Variants in PTPRC observed in about 807,000 individuals in gnomAD.
PTPRC encodes the protein protein tyrosine phosphatase receptor type C, also known as receptor-type tyrosine-protein phosphatase C.
A neutral mutation model predicts 155.9 loss-of-function variants in PTPRC; 44 were observed. The observed-to-expected ratio is 0.28, with a 90% CI of 0.22 to 0.36. The LOEUF (loss-of-function observed/expected upper bound fraction) is 0.36. Ranked by LOEUF, PTPRC falls within the 10% of genes least tolerant of loss-of-function variation. The pLI, the probability that PTPRC is intolerant of heterozygous loss-of-function variation, is 1.00. For missense variants in PTPRC, 1,401 were observed against 1,564.6 expected, an observed-to-expected ratio of 0.90 and a Z score of 1.76; for synonymous variants, 525 against 533.1, an observed-to-expected ratio of 0.98 and a Z score of 0.21.
At chr1:198,721,487 TGA>T (rs1653884890) in intron 14 of PTPRC, among the ~76,000 whole-genome samples, 3 of 152,164 alleles carry the variant, frequency 2.0e-5, no homozygotes, top group Non-Finnish European at 4.4e-5. Context: ...ATGTAATCAA[TGA>T]TTCTTAAAGT....
chr1:198,680,895 A>G (rs1196760385), intron 2 of PTPRC, among the ~76,000 whole-genome samples: 2 of 152,204 alleles, frequency 1.3e-5, no homozygotes, highest in Non-Finnish European at 2.9e-5. Flanking sequence ...TTTGGATTCT[A>G]GTAGACCTGG....
chr1:198,728,246 A>G (rs1282091216), intron 15 of PTPRC, 94 bp from the exon 16 acceptor site: 2 of 910,064 alleles, frequency 2.2e-6, no homozygotes, highest in Non-Finnish European at 3.3e-6. Flanking sequence ...AAATTTAAAA[A>G]TATTAAAATA....
intron 2 of PTPRC, among the ~76,000 whole-genome samples, chr1:198,660,029 C>CTATATA (rs1557974711): frequency 5.4e-4 from 18 of 33,082 alleles, no homozygotes; most frequent in African/African-American, 2.0e-3. Context: ...ATATATATGT[C>CTATATA]CATATATATA....
At position 198,750,503 on chromosome 1, in the gene PTPRC, A is replaced by G; in HGVS notation, c.3084A>G (p.Lys1028=). The change falls in exon 29 of 33, where the codon AAA becomes AAG. Residue 1028 remains lysine (K), a synonymous_variant. Coordinates refer to ENST00000442510, the MANE Select transcript of PTPRC (RefSeq NM_002838.5). ...TTTTGTCTAAAAAGAGCTACTGGAA[A>G]CCTGAAGTGATGATTGCTGCTCAGG... ...INASFIMSYW[K]PEVMIAAQGP... 1.9e-6 allele frequency: 3 copies of G among 1,612,454 alleles called. No homozygotes were observed. The highest frequency in any genetic ancestry group is 2.5e-6 in the Non-Finnish European group (3 of 1,178,892).
chr1:198,749,357 C>A, intron 27 of PTPRC, 59 bp from the exon 28 acceptor site: 1 of 1,509,022 alleles, frequency 6.6e-7, no homozygotes, highest in Non-Finnish European at 9.2e-7. Flanking sequence ...TTCCACATGA[C>A]AATGAAGAAG....
At chr1:198,679,156 T>TGCA (rs1665135083) in intron 2 of PTPRC, 1 of 212,862 alleles carries the variant, frequency 4.7e-6, no homozygotes, top group Admixed American at 4.2e-5. Context: ...CAGCTGCTCC[T>TGCA]GCAGTTTGGG....
chr1:198,703,012 G>A (rs1010365412), intron 6 of PTPRC, among the ~76,000 whole-genome samples: 3 of 152,202 alleles, frequency 2.0e-5, no homozygotes, highest in African/African-American at 4.8e-5. Flanking sequence ...ATGGAAAGCC[G>A]TGAATGAAAG....
intron 2 of PTPRC, among the ~76,000 whole-genome samples, chr1:198,678,896 C>T (rs1665118093): frequency 6.6e-6 from 1 of 151,940 alleles, no homozygotes; most frequent in Non-Finnish European, 1.5e-5. Flanking sequence ...CATCACAGTA[C>T]CAGAATATTC....
Position 198,689,757 on chromosome 1 carries a change from T to C in PTPRC, c.74-2590T>C, listed in dbSNP as rs531691017. ...CAATCACTTCTTATACACAAGACTC[T>C]TTGCTACAGCTATTTCTCTTTCTTC... is the stretch of plus-strand genomic sequence containing the variant. On this transcript the variant is annotated intron_variant, in intron 2 of 32. Transcript: ENST00000442510. Among the ~76,000 whole-genome samples, 5 of 152,314 alleles carry C rather than the reference T, an allele frequency of 3.3e-5. No homozygotes were observed. In the East Asian group the frequency reaches 9.6e-4, roughly 29 times the overall value.
chr1:198,676,365 A>G (rs920507539), intron 2 of PTPRC, among the ~76,000 whole-genome samples: 1 of 152,174 alleles, frequency 6.6e-6, no homozygotes, highest in African/African-American at 2.4e-5. Context: ...TTTTCATCCA[A>G]CTGTGAAAAA....
At chr1:198,661,519 C>T (rs1663961769) in intron 2 of PTPRC, among the ~76,000 whole-genome samples, 1 of 151,386 alleles carries the variant, frequency 6.6e-6, no homozygotes, top group African/African-American at 2.4e-5. Flanking sequence ...TATTATATAC[C>T]ATATAGTTTC....
At chr1:198,719,215 A>C (rs1349725991) in intron 14 of PTPRC, among the ~76,000 whole-genome samples, 2 of 152,054 alleles carry the variant, frequency 1.3e-5, no homozygotes, top group Non-Finnish European at 2.9e-5. Context: ...GCTTCTTGAG[A>C]GGCTCACCAA....
chr1:198,700,533 C>A (rs1394255745), intron 5 of PTPRC, among the ~76,000 whole-genome samples: 1 of 152,222 alleles, frequency 6.6e-6, no homozygotes. Flanking sequence ...ACTCTTTAAA[C>A]AAGTGGGAGA....
At chr1:198,702,681 A>G (rs1666524256) in intron 6 of PTPRC, 151 bp downstream of exon 6, 1 of 1,027,428 alleles carries the variant, frequency 9.7e-7, no homozygotes, top group Non-Finnish European at 1.5e-6. Context: ...ATTATGCAAA[A>G]GAAACTTGCC....
chr1:198,642,912 CTTT>C (rs1662690890), intron 2 of PTPRC, among the ~76,000 whole-genome samples: 2 of 133,662 alleles, frequency 1.5e-5, no homozygotes, highest in Admixed American at 7.7e-5. Context: ...TTCTTCCTTT[CTTT>C]CTTTCTTTCT....
At position 198,699,654 on chromosome 1, in the gene PTPRC, C is replaced by T. The variant is rs1295272657; in HGVS notation, c.389C>T (p.Ser130Phe). 1.2e-6 allele frequency: 2 copies of T among 1,614,192 alleles called. No homozygotes were observed. The highest frequency in any genetic ancestry group is 1.7e-6 in the Non-Finnish European group (2 of 1,180,034). ...ACTGACACGCAGACATTCAGCGGCT[C>T]CGCCGCCAATGCAAAACTCAACCCT... Reference protein sequence around the residue: ...AGTDTQTFSGSAANAKLNPTP... With the variant: ...AGTDTQTFSGFAANAKLNPTP... Residue 130 changes from serine to phenylalanine, a missense_variant, in exon 5 of 33, where the codon TCC (serine) becomes TTC (phenylalanine). Ser to Phe is a radical substitution (Grantham distance 155). Coordinates refer to ENST00000442510, the MANE Select transcript of PTPRC (RefSeq NM_002838.5).
chr1:198,722,309 G>A, intron 14 of PTPRC, 107 bp from the exon 15 acceptor site: 1 of 467,604 alleles, frequency 2.1e-6, no homozygotes, highest in South Asian at 6.5e-5. Flanking sequence ...TTGTATGCAT[G>A]GTATGAAAGA....
chr1:198,749,637 A>C, intron 28 of PTPRC, 88 bp downstream of exon 28: 1 of 1,315,676 alleles, frequency 7.6e-7, no homozygotes, highest in African/African-American at 1.5e-5. Flanking sequence ...CGATTTTATA[A>C]AAGAATAATG....
chr1:198,646,881 GA>G (rs2102196408), intron 2 of PTPRC, among the ~76,000 whole-genome samples: 1 of 151,922 alleles, frequency 6.6e-6, no homozygotes, highest in Non-Finnish European at 1.5e-5. Context: ...AGTGTGTGGG[GA>G]AAGTGTCAAA....
Sources: allele counts gnomAD v4.1 joint callset (sites outside exome capture counted in the v4.1 genomes callset), GRCh38; gene constraint gnomAD v4.1.1; transcripts MANE v1.5; gene names NCBI Gene and HGNC (gene_info 2026-07-23, HGNC 2026-07-21).